Variants in CNTN6 observed in about 807,000 individuals in gnomAD.
CNTN6 encodes contactin 6, also known as contactin-6.
In CNTN6, 137 loss-of-function variants were observed where a neutral mutation model predicts 122.8. The observed-to-expected ratio is 1.12, with a 90% CI of 0.97 to 1.29. The LOEUF is 1.29. Among genes scored for constraint, CNTN6 ranks in the 50% most tolerant of loss-of-function variants. The pLI, the probability that CNTN6 is intolerant of heterozygous loss-of-function variation, is 0.00. For missense variants in CNTN6, 1,634 were observed against 1,223.4 expected, an observed-to-expected ratio of 1.34 and a Z score of -5.01; for synonymous variants, 570 against 426.0, an observed-to-expected ratio of 1.34 and a Z score of -4.16.
intron 11 of CNTN6, among the ~76,000 whole-genome samples, chr3:1,340,033 A>T (rs567988469): frequency 6.6e-6 from 1 of 152,244 alleles, no homozygotes; most frequent in African/African-American, 2.4e-5. Context: ...TCATTTCGTT[A>T]AATTTTTACA....
chr3:1,273,158 G>A (rs2095053548), intron 4 of CNTN6, among the ~76,000 whole-genome samples: 1 of 152,140 alleles, frequency 6.6e-6, no homozygotes, highest in Non-Finnish European at 1.5e-5. Flanking sequence ...CTTAATGAGA[G>A]CAACCTCAAC....
chr3:1,186,386 A>G (rs1277095002), intron 2 of CNTN6, among the ~76,000 whole-genome samples: 4 of 152,038 alleles, frequency 2.6e-5, no homozygotes, highest in African/African-American at 9.7e-5. Flanking sequence ...TCTCATAATT[A>G]CTTATGAGAG....
At chr3:1,377,668 C>A (rs762541359) in intron 17 of CNTN6, among the ~76,000 whole-genome samples, 30 of 152,114 alleles carry the variant, frequency 2.0e-4, no homozygotes, top group Admixed American at 4.6e-4. Flanking sequence ...TTTTCAGTAT[C>A]TCAGTGCCTC....
intron 1 of CNTN6, among the ~76,000 whole-genome samples, chr3:1,113,964 C>G (rs2091599761): frequency 6.6e-6 from 1 of 152,132 alleles, no homozygotes; most frequent in Admixed American, 6.6e-5. Context: ...GGTCACCATT[C>G]CTTTATTTAT....
At chr3:1,325,784 C>A in intron 8 of CNTN6, 31 bp from the exon 9 acceptor site, 1 of 1,604,126 alleles carries the variant, frequency 6.2e-7, no homozygotes, top group Non-Finnish European at 8.5e-7. Context: ...CTGCCTTTTA[C>A]CAAACAGTGG....
chr3:1,365,090 T>C (rs72995966), intron 12 of CNTN6, among the ~76,000 whole-genome samples: 15,015 of 152,008 alleles, frequency 0.099, 996 homozygotes, highest in Non-Finnish European at 0.14. Flanking sequence ...TTCTTCCTTT[T>C]ATTATTGAAA....
chr3:1,244,243 G>A (rs1206956815), intron 4 of CNTN6, among the ~76,000 whole-genome samples: 1 of 152,104 alleles, frequency 6.6e-6, no homozygotes, highest in Non-Finnish European at 1.5e-5. Flanking sequence ...ATGGAGGGTG[G>A]AAGGTGGCCC....
intron 7 of CNTN6, among the ~76,000 whole-genome samples, chr3:1,319,858 T>TAAAATA (rs1331935553): frequency 1.3e-5 from 2 of 150,058 alleles, no homozygotes; most frequent in Admixed American, 6.7e-5. Flanking sequence ...TAAAATAAAA[T>TAAAATA]AAAATAAAAT....
chr3:1,176,808 A>G (rs1036728856), intron 2 of CNTN6, among the ~76,000 whole-genome samples: 20 of 152,158 alleles, frequency 1.3e-4, no homozygotes, highest in African/African-American at 4.8e-4. Context: ...GGGTTTTAAA[A>G]TGTTTATGCT....
chr3:1,303,223 C>G (rs1331481040), intron 7 of CNTN6, among the ~76,000 whole-genome samples: 3 of 124,898 alleles, frequency 2.4e-5, no homozygotes, highest in African/African-American at 8.7e-5. Flanking sequence ...AGTCTGATAA[C>G]TGTTCAATTT....
chr3:1,387,149 C>G (rs1424491863), intron 20 of CNTN6, among the ~76,000 whole-genome samples: 1 of 152,076 alleles, frequency 6.6e-6, no homozygotes. Context: ...CACTCCTTCC[C>G]AAATTACCCA....
intron 2 of CNTN6, among the ~76,000 whole-genome samples, chr3:1,153,252 G>C (rs2092888118): frequency 6.6e-6 from 1 of 152,168 alleles, no homozygotes; most frequent in South Asian, 2.1e-4. Flanking sequence ...CATAGAGCTA[G>C]TCACATGTAT....
intron 16 of CNTN6, among the ~76,000 whole-genome samples, chr3:1,375,599 C>T (rs1447577388): frequency 6.6e-6 from 1 of 152,024 alleles, no homozygotes; most frequent in African/African-American, 2.4e-5. Flanking sequence ...ATGCAAAGAT[C>T]CTGAGATAGT....
At chr3:1,362,878 G>GA (rs142367502) in intron 12 of CNTN6, among the ~76,000 whole-genome samples, 1,765 of 151,148 alleles carry the variant, frequency 0.012, 43 homozygotes, top group African/African-American at 0.04. Context: ...AAACTAAAGG[G>GA]AAAAAAATCA....
At chr3:1,301,061 G>C (rs1245497174) in intron 7 of CNTN6, among the ~76,000 whole-genome samples, 1 of 112,792 alleles carries the variant, frequency 8.9e-6, no homozygotes, top group African/African-American at 3.5e-5. Flanking sequence ...TTTTGAGACG[G>C]AGTCTAACTC....
chr3:1,169,289 A>C (rs879510419), intron 2 of CNTN6, among the ~76,000 whole-genome samples: 23 of 152,288 alleles, frequency 1.5e-4, no homozygotes, highest in Middle Eastern at 3.4e-3. Context: ...TCTAAAAGGG[A>C]GACAGCAAAC....
At chr3:1,211,711 C>T (rs544954125) in intron 2 of CNTN6, among the ~76,000 whole-genome samples, 1 of 152,022 alleles carries the variant, frequency 6.6e-6, no homozygotes, top group South Asian at 2.1e-4. Flanking sequence ...TGTTCTCTAC[C>T]TCCTCATGAG....
At chr3:1,390,619 G>C (rs968077934) in intron 20 of CNTN6, among the ~76,000 whole-genome samples, 1 of 152,100 alleles carries the variant, frequency 6.6e-6, no homozygotes, top group Non-Finnish European at 1.5e-5. Flanking sequence ...ATGAATCCAG[G>C]AGCTGGTTTT....
chr3:1,153,352 T>C (rs2092891007), intron 2 of CNTN6, among the ~76,000 whole-genome samples: 1 of 152,232 alleles, frequency 6.6e-6, no homozygotes. Flanking sequence ...CCTACTGTAT[T>C]AATTACTCTT....
Sources: gnomAD v4.1 joint callset for allele counts (sites outside exome capture counted in the v4.1 genomes callset) on GRCh38, gnomAD v4.1.1 for gene constraint, MANE v1.5 for transcripts, NCBI Gene and HGNC (gene_info 2026-07-23, HGNC 2026-07-21) for gene names.